FBXL17: variants seen among roughly 807,000 people sequenced by gnomAD.
FBXL17 encodes F-box and leucine rich repeat protein 17.
In FBXL17, 22 loss-of-function variants were observed where a neutral mutation model predicts 66.2. The observed-to-expected ratio is 0.33, with a 90% CI of 0.24 to 0.47. The LOEUF (loss-of-function observed/expected upper bound fraction) is 0.47. FBXL17 is among the 20% of genes least tolerant of loss of function. The pLI, the probability that FBXL17 is intolerant of heterozygous loss-of-function variation, is 1.00. For synonymous variants in FBXL17, 474 were observed against 400.5 expected (o/e 1.18, Z -2.19); for missense variants, 878 against 948.2 (o/e 0.93, Z 0.97).
At chr5:108,245,690 T>A (rs1418457729) in intron 4 of FBXL17, among the ~76,000 whole-genome samples, 1 of 152,176 alleles carries the variant, frequency 6.6e-6, no homozygotes, top group Non-Finnish European at 1.5e-5. Context: ...ACCATGCTAG[T>A]AACAGGAAAG....
intron 5 of FBXL17, among the ~76,000 whole-genome samples, chr5:108,219,149 A>G (rs1051223223): frequency 9.2e-5 from 14 of 152,324 alleles, no homozygotes; most frequent in African/African-American, 3.1e-4. Context: ...AATGTGGGTA[A>G]TAATAGTCTC....
At chr5:107,988,989 T>C (rs1030521738) in intron 7 of FBXL17, among the ~76,000 whole-genome samples, 2 of 152,032 alleles carry the variant, frequency 1.3e-5, no homozygotes, top group Non-Finnish European at 2.9e-5. Context: ...TGTCTTCATT[T>C]TCTTTTTTTC....
intron 4 of FBXL17, among the ~76,000 whole-genome samples, chr5:108,245,814 TACA>T (rs1756069450): frequency 6.6e-6 from 1 of 152,224 alleles, no homozygotes; most frequent in African/African-American, 2.4e-5. Flanking sequence ...GCTCACATTG[TACA>T]ACATCAAGAC....
At chr5:108,172,158 T>G (rs915527061) in intron 6 of FBXL17, among the ~76,000 whole-genome samples, 1 of 152,234 alleles carries the variant, frequency 6.6e-6, no homozygotes, top group Admixed American at 6.5e-5. Context: ...GACAGTTGGT[T>G]CTGGCTGTTG....
chr5:108,197,567 T>C (rs1188121619), intron 5 of FBXL17, among the ~76,000 whole-genome samples: 1 of 152,152 alleles, frequency 6.6e-6, no homozygotes, highest in Non-Finnish European at 1.5e-5. Context: ...AAAATGCCAT[T>C]AGCCCAAGAC....
chr5:108,178,927 C>T (rs1329865998), intron 6 of FBXL17, among the ~76,000 whole-genome samples: 1 of 152,188 alleles, frequency 6.6e-6, no homozygotes, highest in Non-Finnish European at 1.5e-5. Context: ...TCAAATTCAA[C>T]TCTGCCTGCT....
At chr5:108,282,308 A>AAT (rs1228013592) in intron 4 of FBXL17, among the ~76,000 whole-genome samples, 1 of 151,704 alleles carries the variant, frequency 6.6e-6, no homozygotes, top group African/African-American at 2.4e-5. Flanking sequence ...ACATCCAAAA[A>AAT]ATATACCATG....
chr5:108,327,419 C>G (rs1759910140), intron 4 of FBXL17, among the ~76,000 whole-genome samples: 1 of 152,114 alleles, frequency 6.6e-6, no homozygotes. Flanking sequence ...AAGAAAATTA[C>G]AGATTATATG....
intron 2 of FBXL17, among the ~76,000 whole-genome samples, chr5:108,365,491 G>A (rs758835294): frequency 3.3e-5 from 5 of 152,052 alleles, no homozygotes; most frequent in African/African-American, 7.2e-5. Flanking sequence ...CTGAGAAGGT[G>A]GTATATCCCA....
At position 108,303,794 on chromosome 5, in the gene FBXL17, G is replaced by GTCC. The variant is rs142634023; in HGVS notation, c.1506+44604_1506+44605insGGA. Among the ~76,000 whole-genome samples, 1,374 of 151,918 alleles carry GTCC rather than the reference G, an allele frequency of 9.0e-3. 23 individuals are homozygous for GTCC. Among genetic ancestry groups the GTCC allele is most frequent in the African/African-American group, 0.03 (1,248 of 41,498 alleles). ...CTTAGTAACAGTGGAATTTTTCAGA[G>GTCC]ACTACATGACCTGTGATAACATCAT... On this transcript the variant is annotated intron_variant, in intron 4 of 8. Coordinates refer to ENST00000542267, the MANE Select transcript of FBXL17 (RefSeq NM_001163315.3).
rs1175517812 is a variant in FBXL17, at chr5:108,381,302, A to G, written c.390T>C (p.Ala130=). Reference sequence around the variant, plus strand: ...AGGCGGGCGACGAAGCCGAGGCGGCAGCGGCGGCGGCGGCGGCGGCCGAGG... The same window carrying G: ...AGGCGGGCGACGAAGCCGAGGCGGCGGCGGCGGCGGCGGCGGCGGCCGAGG... ...LLSSAAAAAA[A]AASASSPASC... is the part of the protein sequence containing the mutation. Residue 130 remains alanine (A), a synonymous_variant, in exon 1 of 9, where the codon GCT becomes GCC. Coordinates refer to ENST00000542267, the MANE Select transcript of FBXL17 (RefSeq NM_001163315.3). 127 of 1,401,048 alleles carry G rather than the reference A, an allele frequency of 9.1e-5. No individual in the cohort carries two copies. The highest frequency in any genetic ancestry group is 1.6e-4 in the Admixed American group (5 of 32,200). 86.8% of individuals were successfully genotyped at this position (1,401,048 alleles called of 1,614,324 possible). A position where few individuals can be genotyped will look rare whatever the true frequency, so the allele number is the denominator to read the frequency against.
intron 6 of FBXL17, among the ~76,000 whole-genome samples, chr5:108,071,253 G>T (rs1339281935): frequency 6.6e-6 from 1 of 152,192 alleles, no homozygotes; most frequent in Non-Finnish European, 1.5e-5. Flanking sequence ...GTAGAAATGT[G>T]AGTACTAAGA....
chr5:108,244,534 G>A (rs553040678), intron 4 of FBXL17, among the ~76,000 whole-genome samples: 1 of 152,114 alleles, frequency 6.6e-6, no homozygotes, highest in Non-Finnish European at 1.5e-5. Flanking sequence ...CTTAACAAGG[G>A]CTACCCACTA....
At chr5:108,294,618 T>C (rs1251536524) in intron 4 of FBXL17, among the ~76,000 whole-genome samples, 2 of 151,982 alleles carry the variant, frequency 1.3e-5, no homozygotes, top group Non-Finnish European at 2.9e-5. Flanking sequence ...CAAATTTAAC[T>C]CTCTCTCTCT....
chr5:108,275,765 GAACTCT>G (rs945034877), intron 4 of FBXL17, among the ~76,000 whole-genome samples: 1 of 152,200 alleles, frequency 6.6e-6, no homozygotes, highest in Non-Finnish European at 1.5e-5. Context: ...GCCTGAATTT[GAACTCT>G]AACTCTAGAG....
intron 3 of FBXL17, among the ~76,000 whole-genome samples, chr5:108,357,499 T>C (rs1490286439): frequency 5.9e-5 from 9 of 152,044 alleles, no homozygotes. Context: ...AATGGACATC[T>C]AGAGACCACT....
chr5:108,047,997 C>A (rs1035848105), intron 6 of FBXL17, among the ~76,000 whole-genome samples: 1 of 152,222 alleles, frequency 6.6e-6, no homozygotes, highest in African/African-American at 2.4e-5. Flanking sequence ...TGGGTGAGAC[C>A]CTCCAACAGG....
At chr5:108,083,045 G>C (rs1184080985) in intron 6 of FBXL17, among the ~76,000 whole-genome samples, 2 of 152,150 alleles carry the variant, frequency 1.3e-5, no homozygotes, top group East Asian at 3.9e-4. Flanking sequence ...TGTTGTCCAT[G>C]ACTGAAGAGG....
chr5:108,154,133 C>T (rs746882427), intron 6 of FBXL17, among the ~76,000 whole-genome samples: 9 of 151,758 alleles, frequency 5.9e-5, no homozygotes, highest in Non-Finnish European at 1.2e-4. Context: ...TTCCATCAAA[C>T]AGCAAACATT....
Sources: allele counts gnomAD v4.1 joint callset (sites outside exome capture counted in the v4.1 genomes callset), GRCh38; gene constraint gnomAD v4.1.1; transcripts MANE v1.5; gene names NCBI Gene and HGNC (gene_info 2026-07-23, HGNC 2026-07-21).